VPS35L: variants seen among roughly 807,000 people sequenced by gnomAD.
VPS35L encodes the protein VPS35 endosomal protein sorting factor like.
VPS35L carries 83 observed loss-of-function variants against 133.0 expected under a neutral mutation model. The observed-to-expected ratio is 0.62, with a 90% CI of 0.52 to 0.75. The LOEUF is 0.75. VPS35L is among the 30% of genes least tolerant of loss of function. The pLI, the probability that VPS35L is intolerant of heterozygous loss-of-function variation, is 0.00. For synonymous variants in VPS35L, 423 were observed against 449.9 expected (o/e 0.94, Z 0.76); for missense variants, 1,083 against 1,206.8 (o/e 0.90, Z 1.52).
intron 27 of VPS35L, among the ~76,000 whole-genome samples, chr16:19,677,069 CT>C (rs5816063): frequency 0.22 from 30,696 of 142,100 alleles, 3,518 homozygotes; most frequent in Non-Finnish European, 0.28. Context: ...TTCTTTTTTT[CT>C]TTTTTTTTTT....
At chr16:19,642,624 A>G in intron 22 of VPS35L, 148 bp downstream of exon 22, 8 of 629,696 alleles carry the variant, frequency 1.3e-5, no homozygotes, top group Non-Finnish European at 2.0e-5. Flanking sequence ...GGACATTCCA[A>G]TCCAGGAGAG....
At chr16:19,689,766 T>G (rs1975600974) in intron 28 of VPS35L, among the ~76,000 whole-genome samples, 1 of 152,212 alleles carries the variant, frequency 6.6e-6, no homozygotes, top group Non-Finnish European at 1.5e-5. Context: ...CGACACTACC[T>G]ACCCATTACT....
At chr16:19,613,055 T>G (rs1972776282) in intron 12 of VPS35L, among the ~76,000 whole-genome samples, 1 of 152,048 alleles carries the variant, frequency 6.6e-6, no homozygotes, top group Non-Finnish European at 1.5e-5. Flanking sequence ...AATCCCAGCA[T>G]TTTGGGAGGC....
At position 19,610,341 on chromosome 16, in the gene VPS35L, C is replaced by T. The variant is rs765357142; in HGVS notation, c.949C>T (p.Pro317Ser). ...TTGCAGGGGAATTTCAGAGTGCCTG[C>T]CCCGGTTGACATGCATGATCAGAGG... ...LSKTGISECL[P>S]RLTCMIRGIG... Residue 317 changes from proline to serine, a missense_variant, in exon 12 of 31, where the codon CCC becomes TCC. By Grantham distance (74) the Pro-to-Ser change is moderately conservative (BLOSUM62 -1). Transcript: ENST00000417362. 8 of 1,613,882 alleles carry T rather than the reference C, an allele frequency of 5.0e-6. No individual in the cohort carries two copies. In the Admixed American group the frequency reaches 1.0e-4, roughly 20 times the overall value.
intron 8 of VPS35L, among the ~76,000 whole-genome samples, chr16:19,599,083 C>T (rs1334492215): frequency 2.6e-5 from 4 of 152,178 alleles, no homozygotes; most frequent in African/African-American, 7.2e-5. Flanking sequence ...AAGGAAAGCT[C>T]GTTCTGCCAG....
intron 3 of VPS35L, among the ~76,000 whole-genome samples, chr16:19,570,887 A>ATTTT (rs1971359935): frequency 1.2e-5 from 1 of 82,254 alleles, no homozygotes; most frequent in Non-Finnish European, 2.3e-5. Flanking sequence ...ATATATATAT[A>ATTTT]TATTTTTGAG....
At chr16:19,621,009 A>T (rs1973062332) in intron 14 of VPS35L, among the ~76,000 whole-genome samples, 1 of 152,044 alleles carries the variant, frequency 6.6e-6, no homozygotes, top group Non-Finnish European at 1.5e-5. Flanking sequence ...ACAAAAACAG[A>T]CATCTGTCAG....
At chr16:19,586,450 G>A (rs1224598047) in intron 7 of VPS35L, among the ~76,000 whole-genome samples, 1 of 151,892 alleles carries the variant, frequency 6.6e-6, no homozygotes, top group Non-Finnish European at 1.5e-5. Context: ...ACCGATTCTC[G>A]TACCTCAGCC....
chr16:19,662,429 ATT>A (rs1044316692), intron 26 of VPS35L, among the ~76,000 whole-genome samples: 46 of 152,180 alleles, frequency 3.0e-4, no homozygotes, highest in Admixed American at 1.7e-3. Flanking sequence ...TGACACGGAT[ATT>A]TTGCCTGTCA....
intron 24 of VPS35L, among the ~76,000 whole-genome samples, chr16:19,648,353 G>A (rs764973758): frequency 3.9e-5 from 6 of 152,038 alleles, no homozygotes; most frequent in Admixed American, 2.6e-4. Context: ...TTACAACTTT[G>A]GTTTTATTGA....
chr16:19,613,622 G>A (rs879456523), intron 12 of VPS35L, among the ~76,000 whole-genome samples: 7 of 152,226 alleles, frequency 4.6e-5, no homozygotes, highest in African/African-American at 7.2e-5. Flanking sequence ...GTGTCTTCTT[G>A]CCAGTAGATC....
At chr16:19,616,448 A>G (rs1972895985) in intron 13 of VPS35L, among the ~76,000 whole-genome samples, 1 of 151,670 alleles carries the variant, frequency 6.6e-6, no homozygotes, top group African/African-American at 2.4e-5. Context: ...TGCTGGCTCC[A>G]TTTTTATCAG....
chr16:19,613,004 TA>T (rs1257476076), intron 12 of VPS35L, among the ~76,000 whole-genome samples: 1 of 151,992 alleles, frequency 6.6e-6, no homozygotes, highest in East Asian at 1.9e-4. Context: ...TCTTTAACAT[TA>T]AAAGAGTAAG....
chr16:19,576,175 AAAAAAC>A (rs1397559575), intron 5 of VPS35L, among the ~76,000 whole-genome samples: 3 of 148,616 alleles, frequency 2.0e-5, no homozygotes, highest in African/African-American at 7.6e-5. Flanking sequence ...CAAAAAAAAA[AAAAAAC>A]AAAAAAAAAA....
chr16:19,574,975 G>T, intron 4 of VPS35L, 123 bp from the exon 5 acceptor site: 2 of 794,928 alleles, frequency 2.5e-6, no homozygotes, highest in South Asian at 2.1e-5. Context: ...GGTTTTTAGT[G>T]ACTGTATTTT....
intron 1 of VPS35L, among the ~76,000 whole-genome samples, chr16:19,561,457 T>G (rs1433732098): frequency 6.6e-6 from 1 of 152,232 alleles, no homozygotes; most frequent in Non-Finnish European, 1.5e-5. Flanking sequence ...GCCGAGTTCA[T>G]TTAGAAAGGA....
chr16:19,563,165 G>A (rs560882811), intron 1 of VPS35L, among the ~76,000 whole-genome samples: 3 of 151,930 alleles, frequency 2.0e-5, no homozygotes, highest in South Asian at 4.2e-4. Context: ...CACAGGGACC[G>A]TATCTTTAAA....
At chr16:19,615,600 A>G (rs891431431) in intron 12 of VPS35L, among the ~76,000 whole-genome samples, 1 of 151,782 alleles carries the variant, frequency 6.6e-6, no homozygotes, top group Non-Finnish European at 1.5e-5. Flanking sequence ...CAGTGAGCCA[A>G]GATCGTGCCA....
At chr16:19,570,268 G>A (rs976426104) in intron 3 of VPS35L, among the ~76,000 whole-genome samples, 1 of 152,032 alleles carries the variant, frequency 6.6e-6, no homozygotes, top group African/African-American at 2.4e-5. Context: ...TCATCATGTT[G>A]ACCAGGCTGG....
Sources: gnomAD v4.1 joint callset for allele counts (sites outside exome capture counted in the v4.1 genomes callset) on GRCh38, gnomAD v4.1.1 for gene constraint, MANE v1.5 for transcripts, NCBI Gene and HGNC (gene_info 2026-07-23, HGNC 2026-07-21) for gene names.